The following ABCA10 variants were observed in gnomAD, a reference collection of about 807,000 sequenced individuals.
The protein encoded by ABCA10 is ATP-binding cassette sub-family A member 10.
ABCA10 carries 169 observed loss-of-function variants against 187.5 expected under a neutral mutation model. The observed-to-expected ratio is 0.90, with a 90% CI of 0.80 to 1.02. The LOEUF is 1.02. Among genes scored for constraint, ABCA10 ranks in the 50% least tolerant of loss-of-function variants. The probability of loss-of-function intolerance (pLI) is 0.00; values close to 1 mark genes in which losing one functional copy is unlikely to be tolerated. For synonymous variants in ABCA10, 574 were observed against 601.8 expected (o/e 0.95, Z 0.68); for missense variants, 1,727 against 1,812.4 (o/e 0.95, Z 0.86).
chr17:69,196,859 G>A (rs1405587535), intron 11 of ABCA10, among the ~76,000 whole-genome samples: 1 of 152,142 alleles, frequency 6.6e-6, no homozygotes, highest in Non-Finnish European at 1.5e-5. Flanking sequence ...AAAAAAATAC[G>A]AAAACCAGTC....
Position 69,185,660 on chromosome 17 carries a change from T to C in ABCA10, c.2331-17A>G, listed in dbSNP as rs902342059. ...ACTAGTAACCTAAGTAAAACAAAAT[T>C]ATAACATGAGTCTGAAGCAATTTTC... is the stretch of plus-strand genomic sequence containing the variant. On this transcript the variant is annotated splice_polypyrimidine_tract_variant and intron_variant, in intron 19 of 38. Coordinates refer to ENST00000690296, the MANE Select transcript of ABCA10 (RefSeq NM_001377321.1). 6.4e-7 allele frequency: 1 copy of C among 1,565,488 alleles called. No homozygotes were observed. Among genetic ancestry groups the C allele is most frequent in the African/African-American group, 1.4e-5 (1 of 73,618 alleles).
At chr17:69,240,690 C>G (rs180714981) in intron 1 of ABCA10, among the ~76,000 whole-genome samples, 2 of 152,380 alleles carry the variant, frequency 1.3e-5, no homozygotes, top group East Asian at 3.9e-4. Flanking sequence ...TCTACATCAT[C>G]AAGCCTCCAA....
In ABCA10 at chr17:69,222,716, A is replaced by G. The variant is rs567271580; in HGVS notation, c.35-19T>C. Reference sequence around the variant, plus strand: ...GTTCTTCCTACCATGTATGAAAAACATAAATAAATAATCATGTAAACTTAT... The same window carrying G: ...GTTCTTCCTACCATGTATGAAAAACGTAAATAAATAATCATGTAAACTTAT... On this transcript the variant is annotated intron_variant, in intron 3 of 38. Transcript: ENST00000690296. The G allele has an allele frequency of 6.5e-7, 1 of 1,542,714 alleles. No homozygotes were observed. Among genetic ancestry groups the G allele is most frequent in the East Asian group, 2.4e-5 (1 of 41,164 alleles).
At chr17:69,155,202 T>C in intron 29 of ABCA10, 66 bp from the exon 30 acceptor site, 1 of 1,287,624 alleles carries the variant, frequency 7.8e-7, no homozygotes, top group South Asian at 1.3e-5. Flanking sequence ...TGATGTTTTA[T>C]TTTCCATTCC....
intron 25 of ABCA10, among the ~76,000 whole-genome samples, chr17:69,167,630 T>C (rs1350164056): frequency 3.9e-5 from 6 of 152,102 alleles, no homozygotes; most frequent in Non-Finnish European, 8.8e-5. Context: ...GACAATTTGA[T>C]GGAAAGGAGG....
intron 3 of ABCA10, among the ~76,000 whole-genome samples, chr17:69,224,515 C>T (rs1164375414): frequency 6.6e-6 from 1 of 152,088 alleles, no homozygotes; most frequent in Non-Finnish European, 1.5e-5. Flanking sequence ...CCAATAGTTA[C>T]TCCTAATGGC....
upstream of ABCA10, chr17:69,233,823 T>A (rs2074846968): frequency 6.6e-6 from 1 of 152,258 alleles, no homozygotes; most frequent in Admixed American, 6.5e-5. Context: ...AGGTTTGCTA[T>A]GAGTCTTGGG....
chr17:69,180,968 A>G (rs1033863067), intron 22 of ABCA10, among the ~76,000 whole-genome samples: 1 of 152,144 alleles, frequency 6.6e-6, no homozygotes, highest in Admixed American at 6.6e-5. Context: ...ATTGCATCTG[A>G]TCAAAAATTG....
At chr17:69,214,178 A>G (rs1392442423) in intron 9 of ABCA10, among the ~76,000 whole-genome samples, 2 of 152,232 alleles carry the variant, frequency 1.3e-5, no homozygotes, top group Non-Finnish European at 2.9e-5. Flanking sequence ...AAAGACAAAA[A>G]CCAAAATAAA....
intron 22 of ABCA10, among the ~76,000 whole-genome samples, chr17:69,176,613 C>T (rs2074335774): frequency 6.6e-6 from 1 of 152,004 alleles, no homozygotes; most frequent in Non-Finnish European, 1.5e-5. Flanking sequence ...CTCCATATCC[C>T]TGCTTCCCAG....
At chr17:69,196,941 T>G (rs1440603114) in intron 11 of ABCA10, 123 bp downstream of exon 11, 1 of 674,530 alleles carries the variant, frequency 1.5e-6, no homozygotes, top group Non-Finnish European at 2.4e-6. Context: ...GCAGGGAGGT[T>G]GCAGTGAGCC....
In ABCA10 at chr17:69,181,422, T is replaced by C. The variant is rs76130235; in HGVS notation, c.2769+731A>G. Among the ~76,000 whole-genome samples, 1,152 of 152,250 alleles carry C rather than the reference T, an allele frequency of 7.6e-3. 15 individuals carry two copies. The highest frequency in any genetic ancestry group is 0.026 in the African/African-American group (1,062 of 41,534). The stretch of plus-strand genomic sequence containing the variant: ...TTCTCTTTTATTTTAAATTTTGCAG[T>C]GTCCTTTTGGATCTTGGCTCTTCTA... On this transcript the variant is annotated intron_variant, in intron 22 of 38. Coordinates refer to ENST00000690296, the MANE Select transcript of ABCA10 (RefSeq NM_001377321.1).
Position 69,241,029 on chromosome 17 carries a change from T to A in ABCA10, c.-593+3500A>T, listed in dbSNP as rs141635556. 2.8e-3 allele frequency among the ~76,000 whole-genome samples: 432 copies of A among 152,302 alleles called. 1 individual carries two copies. Among genetic ancestry groups the A allele is most frequent in the Middle Eastern group, 6.8e-3 (2 of 294 alleles). Reference sequence around the variant, plus strand: ...ATTTATTTCCTTTGCTCACTGGACATCTCCACTTGGATGTCTAATGAGCAT... The same window carrying A: ...ATTTATTTCCTTTGCTCACTGGACAACTCCACTTGGATGTCTAATGAGCAT... On this transcript the variant is annotated intron_variant, in intron 1 of 39. Transcript: ENST00000269081.
At chr17:69,222,169 A>G (rs2074753639) in intron 4 of ABCA10, among the ~76,000 whole-genome samples, 2 of 152,120 alleles carry the variant, frequency 1.3e-5, no homozygotes, top group Non-Finnish European at 2.9e-5. Flanking sequence ...AGCCTGACCA[A>G]CATGGTGAAA....
chr17:69,190,382 C>T lies in ABCA10; in HGVS notation c.2107G>A (p.Gly703Arg), dbSNP rs141798814. The T allele has an allele frequency of 2.6e-6, 4 of 1,558,020 alleles. No individual in the cohort carries two copies. The highest frequency in any genetic ancestry group is 2.8e-5 in the African/African-American group (2 of 71,110). The part of the protein sequence containing the change: ...SLNEVFLNLE[G>R]KSAIDEPDFD... ...CCTGGTTCATCAATTGCTGATTTTC[C>T]TTCTAGGTTCAAGAATACTTCATTC... is the stretch of plus-strand genomic sequence containing the variant. The change falls in exon 18 of 39, where the codon GGA becomes AGA. Residue 703 changes from glycine to arginine, a missense_variant. Transcript: ENST00000690296.
At chr17:69,201,169 T>A (rs2074540679) in intron 10 of ABCA10, among the ~76,000 whole-genome samples, 1 of 152,168 alleles carries the variant, frequency 6.6e-6, no homozygotes, top group South Asian at 2.1e-4. Flanking sequence ...AAAACGTGTA[T>A]AATATATACT....
chr17:69,166,147 C>T (rs1296163238), intron 25 of ABCA10, among the ~76,000 whole-genome samples: 1 of 152,016 alleles, frequency 6.6e-6, no homozygotes, highest in African/African-American at 2.4e-5. Flanking sequence ...CCTTAAAATG[C>T]TGTGTGAGGC....
At chr17:69,171,855 A>G (rs1413940564) in intron 25 of ABCA10, among the ~76,000 whole-genome samples, 1 of 151,952 alleles carries the variant, frequency 6.6e-6, no homozygotes, top group African/African-American at 2.4e-5. Context: ...GAGGGTGAAA[A>G]AAGATTTTTT....
intron 1 of ABCA10, among the ~76,000 whole-genome samples, chr17:69,242,487 C>CA (rs2074908931): frequency 6.6e-6 from 1 of 152,046 alleles, no homozygotes; most frequent in South Asian, 2.1e-4. Context: ...TTTCTTGAGA[C>CA]AGAGTCTCGC....
Sources: allele counts gnomAD v4.1 joint callset (sites outside exome capture counted in the v4.1 genomes callset), GRCh38; gene constraint gnomAD v4.1.1; transcripts MANE v1.5; gene names NCBI Gene and HGNC (gene_info 2026-07-23, HGNC 2026-07-21).